The following ADAM32 variants were observed in gnomAD, a reference collection of about 807,000 sequenced individuals.
The protein encoded by ADAM32 is disintegrin and metalloproteinase domain-containing protein 32.
In ADAM32, 89 loss-of-function variants were observed where a neutral mutation model predicts 114.9. The observed-to-expected ratio is 0.77, with a 90% CI of 0.65 to 0.92. ADAM32 has a LOEUF of 0.92. ADAM32 is among the 40% of genes least tolerant of loss of function. ADAM32 has a pLI of 0.00. For missense variants in ADAM32, 870 were observed against 932.8 expected, an observed-to-expected ratio of 0.93 and a Z score of 0.88; for synonymous variants, 285 against 307.5, an observed-to-expected ratio of 0.93 and a Z score of 0.77.
chr8:39,126,952 T>C (rs1309704457), intron 2 of ADAM32, among the ~76,000 whole-genome samples: 1 of 152,242 alleles, frequency 6.6e-6, no homozygotes, highest in Admixed American at 6.5e-5. Context: ...TTTAGTTCTG[T>C]GTATGTGATG....
chr8:39,171,840 T>A (rs1252828983), intron 10 of ADAM32, among the ~76,000 whole-genome samples: 1 of 151,118 alleles, frequency 6.6e-6, no homozygotes, highest in Admixed American at 6.6e-5. Flanking sequence ...ATTTTTAATT[T>A]TATGTAATAT....
At chr8:39,227,937 G>T (rs7014407) in intron 14 of ADAM32, among the ~76,000 whole-genome samples, 4 of 152,178 alleles carry the variant, frequency 2.6e-5, no homozygotes, top group African/African-American at 9.6e-5. Flanking sequence ...TACGCCCTCC[G>T]CTGCCTCCAC....
At chr8:39,166,705 T>G (rs896173315) in intron 9 of ADAM32, 2 of 152,170 alleles carry the variant, frequency 1.3e-5, no homozygotes, top group African/African-American at 4.8e-5. Context: ...CATCTACTGT[T>G]TTTTGATTTT....
intron 1 of ADAM32, among the ~76,000 whole-genome samples, chr8:39,114,750 A>C (rs12542529): frequency 0.24 from 36,089 of 152,080 alleles, 4,393 homozygotes; most frequent in South Asian, 0.31. Context: ...TTGGAGGTAC[A>C]TGTGCAGGTT....
intron 10 of ADAM32, among the ~76,000 whole-genome samples, chr8:39,185,346 A>AAAAAAACAC (rs1554609619): frequency 1.4e-5 from 2 of 146,492 alleles, no homozygotes; most frequent in African/African-American, 5.1e-5. Context: ...AGTCTACAAA[A>AAAAAAACAC]AAAAAACAAA....
At chr8:39,280,364 C>T (rs1813348558) in intron 22 of ADAM32, among the ~76,000 whole-genome samples, 1 of 152,094 alleles carries the variant, frequency 6.6e-6, no homozygotes, top group Middle Eastern at 3.2e-3. Flanking sequence ...CAGCTTTTCT[C>T]TATGTATCTA....
chr8:39,257,230 G>A lies in ADAM32; in HGVS notation c.2049G>A (p.Trp683Ter). Residue 683 changes from tryptophan to a stop codon, truncating the protein, a stop_gained, in exon 19 of 25, where the codon TGG becomes TGA. Transcript: ENST00000379907. LOFTEE classifies it high-confidence loss of function. The part of the protein sequence containing the change: ...ERASGKTENT[W>*]LLGFLIALPI... ...CATCTGGGAAGACTGAAAACACCTGGCTTCTAGGTTTCCTCATTGCTCTTC... is the reference window on the plus strand; with the variant it reads ...CATCTGGGAAGACTGAAAACACCTGACTTCTAGGTTTCCTCATTGCTCTTC... 1 of 1,610,424 alleles carries A rather than the reference G, an allele frequency of 6.2e-7. No homozygotes were observed. Among genetic ancestry groups the A allele is most frequent in the Non-Finnish European group, 8.5e-7 (1 of 1,177,952 alleles).
intron 12 of ADAM32, among the ~76,000 whole-genome samples, chr8:39,214,161 T>G (rs755007285): frequency 3.9e-5 from 6 of 152,170 alleles, no homozygotes; most frequent in Non-Finnish European, 7.4e-5. Context: ...CATGCAGATA[T>G]CTCTTCGACG....
intron 5 of ADAM32, among the ~76,000 whole-genome samples, chr8:39,150,683 CAT>C (rs1321943072): frequency 6.6e-6 from 1 of 152,104 alleles, no homozygotes; most frequent in African/African-American, 2.4e-5. Context: ...GTGCTTCCTA[CAT>C]AGAAGCCTGA....
chr8:39,279,786 G>A (rs1388872072), intron 22 of ADAM32, among the ~76,000 whole-genome samples: 1 of 152,032 alleles, frequency 6.6e-6, no homozygotes, highest in African/African-American at 2.4e-5. Context: ...TGATCTTGAT[G>A]TGTGAATTTT....
chr8:39,248,799 G>A (rs1423339503), intron 17 of ADAM32, among the ~76,000 whole-genome samples: 3 of 152,056 alleles, frequency 2.0e-5, no homozygotes, highest in Non-Finnish European at 4.4e-5. Context: ...CATTAAGTAC[G>A]ATGTCAGCTG....
At chr8:39,201,430 T>C (rs1807396495) in intron 11 of ADAM32, among the ~76,000 whole-genome samples, 2 of 151,434 alleles carry the variant, frequency 1.3e-5, no homozygotes, top group Admixed American at 6.6e-5. Flanking sequence ...TCTCTGTTTG[T>C]CTATCATTGG....
chr8:39,261,922 G>T (rs1456018909), intron 19 of ADAM32, among the ~76,000 whole-genome samples: 1 of 152,004 alleles, frequency 6.6e-6, no homozygotes. Flanking sequence ...TGTTGAGATA[G>T]TTGAAATCAT....
In ADAM32 at chr8:39,254,327, A is replaced by G. The variant is rs142371982; in HGVS notation, c.1903-87A>G. ...CGCTCTAAATAAACAAAATTACACT[A>G]GATTATGGTACAAAAGTAAGCTTGA... On this transcript the variant is annotated intron_variant, in intron 17 of 24. Transcript: ENST00000379907. 556 of 1,111,558 alleles carry G rather than the reference A, an allele frequency of 5.0e-4. No individual in the cohort carries two copies. In the East Asian group the frequency reaches 0.013, roughly 25 times the overall value. The allele number at this position is 1,111,558 out of a possible 1,614,324, so 68.9% of individuals were successfully genotyped here.
chr8:39,283,411 TAA>T (rs375766985), intron 23 of ADAM32, among the ~76,000 whole-genome samples, 173 bp from the exon 24 acceptor site: 8 of 57,368 alleles, frequency 1.4e-4, no homozygotes, highest in Non-Finnish European at 2.1e-4. Flanking sequence ...ACTCCATCTC[TAA>T]AAAAAAAAAA....
In ADAM32 at chr8:39,241,939, C is replaced by T. The variant is rs114441110; in HGVS notation, c.1819-4144C>T. 3.0e-3 allele frequency among the ~76,000 whole-genome samples: 462 copies of T among 152,338 alleles called. 3 individuals carry two copies. Among genetic ancestry groups the T allele is most frequent in the African/African-American group, 0.01 (421 of 41,576 alleles). ...TGCAAGTTTTCCAAACTTTTGTGAT[C>T]TGTTTCCCTTTTAAAACTGAATGCC... On this transcript the variant is annotated intron_variant, in intron 16 of 24. Coordinates refer to ENST00000379907, the MANE Select transcript of ADAM32 (RefSeq NM_145004.7).
In ADAM32 at chr8:39,136,118, T is replaced by C. The variant is rs560763456; in HGVS notation, c.139-539T>C. Among the ~76,000 whole-genome samples the C allele has an allele frequency of 9.2e-5, 14 of 152,332 alleles. No homozygotes were observed. In the East Asian group the frequency reaches 2.3e-3, roughly 25 times the overall value. ...GCTCTATAAAATCTCATCACTGAGG[T>C]TCACTGACCTACAGATATTCCAACC... On this transcript the variant is annotated intron_variant, in intron 2 of 24. Coordinates refer to ENST00000379907, the MANE Select transcript of ADAM32 (RefSeq NM_145004.7).
In ADAM32 at chr8:39,246,254, C is replaced by T. The variant is rs2129450087; in HGVS notation, c.1902+88C>T. 3 of 1,120,486 alleles carry T rather than the reference C, an allele frequency of 2.7e-6. No homozygotes were observed. In the South Asian group the frequency reaches 4.2e-5, roughly 16 times the overall value. 69.4% of individuals were successfully genotyped at this position (1,120,486 alleles called of 1,614,324 possible). A position where few individuals can be genotyped will look rare whatever the true frequency, so the allele number is the denominator to read the frequency against. On this transcript the variant is annotated intron_variant, in intron 17 of 24. Coordinates refer to ENST00000379907, the MANE Select transcript of ADAM32 (RefSeq NM_145004.7). ...TTTACTGACATTTTTTGGGTCACTA[C>T]CATGTGACAGACTCTGTTGCATCTA...
At chr8:39,282,923 A>C (rs1308159629) in intron 23 of ADAM32, among the ~76,000 whole-genome samples, 1 of 152,196 alleles carries the variant, frequency 6.6e-6, no homozygotes, top group Non-Finnish European at 1.5e-5. Context: ...AGTTTTGAAG[A>C]TATAAAATAG....
Sources: gnomAD v4.1 joint callset for allele counts (sites outside exome capture counted in the v4.1 genomes callset) on GRCh38, gnomAD v4.1.1 for gene constraint, MANE v1.5 for transcripts, NCBI Gene and HGNC (gene_info 2026-07-23, HGNC 2026-07-21) for gene names.